Variants in NPAT observed in about 807,000 individuals in gnomAD.
The protein encoded by NPAT is nuclear protein, coactivator of histone transcription, also known as protein NPAT.
NPAT carries 52 observed loss-of-function variants against 130.7 expected under a neutral mutation model. The observed-to-expected ratio is 0.40, with a 90% confidence interval of 0.32 to 0.50. The LOEUF (loss-of-function observed/expected upper bound fraction) is 0.50. Ranked by LOEUF, NPAT falls within the 20% of genes least tolerant of loss-of-function variation. NPAT has a pLI of 0.68. For synonymous variants in NPAT, 580 were observed against 584.8 expected, an observed-to-expected ratio of 0.99 and a Z score of 0.12; for missense variants, 1,687 against 1,662.6, an observed-to-expected ratio of 1.01 and a Z score of -0.26.
intron 10 of NPAT, among the ~76,000 whole-genome samples, chr11:108,179,402 G>C (rs1172900664): frequency 6.6e-6 from 1 of 151,944 alleles, no homozygotes; most frequent in Admixed American, 6.6e-5. Flanking sequence ...CAAGTAGCTG[G>C]GATTAAAGAC....
At chr11:108,170,160 C>A in intron 13 of NPAT, 117 bp from the exon 14 acceptor site, 2 of 678,468 alleles carry the variant, frequency 2.9e-6, no homozygotes, top group Non-Finnish European at 2.6e-6. Context: ...AACAATCCCT[C>A]TTCCTTACGA....
At chr11:108,171,980 AAAAG>A in intron 13 of NPAT, 1 of 559,618 alleles carries the variant, frequency 1.8e-6, no homozygotes, top group Non-Finnish European at 3.2e-6. Flanking sequence ...GTGAAAAGAA[AAAAG>A]AAAAACCACT....
chr11:108,217,966 T>C (rs1000421585), intron 1 of NPAT, among the ~76,000 whole-genome samples: 2 of 152,258 alleles, frequency 1.3e-5, no homozygotes, highest in South Asian at 4.1e-4. Context: ...GCACCCAGCC[T>C]GGATGACAAG....
At chr11:108,180,731 AAG>A (rs2078051056) in intron 10 of NPAT, among the ~76,000 whole-genome samples, 1 of 152,196 alleles carries the variant, frequency 6.6e-6, no homozygotes, top group South Asian at 2.1e-4. Context: ...TAGGATCTCA[AAG>A]ACGTATTTGT....
intron 2 of NPAT, among the ~76,000 whole-genome samples, chr11:108,196,806 C>A (rs1318511720): frequency 1.3e-5 from 2 of 152,152 alleles, no homozygotes; most frequent in African/African-American, 2.4e-5. Context: ...GTTTCCTAAG[C>A]AGACATTCAT....
intron 15 of NPAT, 61 bp from the exon 16 acceptor site, chr11:108,162,241 C>T (rs2077859385): frequency 1.4e-6 from 2 of 1,442,392 alleles, no homozygotes; most frequent in Non-Finnish European, 1.9e-6. Flanking sequence ...GAGGATAGAA[C>T]AGATGACAAT....
Position 108,189,215 on chromosome 11 carries a change from A to G in NPAT, c.447T>C (p.Thr149=). ...TAACCTGTGTACCTGTGGAAGGAGG[A>G]GTGGTAAACTGTCCTGAAAGGTAAG... ...TLPYLSGQFT[T]PPSTGTQVTR... The change falls in exon 6 of 18, where the codon ACT becomes ACC. Residue 149 remains threonine (T), a synonymous_variant. Transcript: ENST00000278612. The G allele has an allele frequency of 6.2e-7, 1 of 1,614,156 alleles. No individual in the cohort carries two copies. The highest frequency in any genetic ancestry group is 1.7e-5 in the Admixed American group (1 of 60,016).
chr11:108,202,907 T>C (rs1565325020), intron 1 of NPAT, among the ~76,000 whole-genome samples: 1 of 152,102 alleles, frequency 6.6e-6, no homozygotes, highest in Non-Finnish European at 1.5e-5. Flanking sequence ...ATTATTCGTT[T>C]TGCACTTCCT....
intron 1 of NPAT, among the ~76,000 whole-genome samples, chr11:108,212,629 A>AAACAAC (rs544637765): frequency 6.6e-6 from 1 of 151,714 alleles, no homozygotes; most frequent in African/African-American, 2.4e-5. Context: ...AAGCCATAAA[A>AAACAAC]AACAACAACA....
At chr11:108,206,591 AGAGGGT>A (rs1258236277) in intron 1 of NPAT, among the ~76,000 whole-genome samples, 2 of 152,148 alleles carry the variant, frequency 1.3e-5, no homozygotes, top group African/African-American at 4.8e-5. Context: ...AGAGCCCCAA[AGAGGGT>A]GTCACAACCC....
chr11:108,177,724 T>C lies in NPAT; in HGVS notation c.907-634A>G, dbSNP rs558016051. Among the ~76,000 whole-genome samples, 8 of 152,158 alleles carry C rather than the reference T, an allele frequency of 5.3e-5. No homozygotes were observed. The East Asian group carries it at 1.2e-3, about 22-fold the overall frequency. On this transcript the variant is annotated intron_variant, in intron 10 of 17. Coordinates refer to ENST00000278612, the MANE Select transcript of NPAT (RefSeq NM_002519.3). Reference sequence around the variant, plus strand: ...AAATCATACTATAAAGTTCCCTTTTTTTTTGTTTTGAGACAGGGTGTCACT... The same window carrying C: ...AAATCATACTATAAAGTTCCCTTTTCTTTTGTTTTGAGACAGGGTGTCACT...
Position 108,160,944 on chromosome 11 carries a change from T to C in NPAT, c.4142A>G (p.Asn1381Ser), listed in dbSNP as rs1354464688. Residue 1381 changes from asparagine to serine, a missense_variant, in exon 17 of 18, where the codon AAC becomes AGC. Coordinates refer to ENST00000278612, the MANE Select transcript of NPAT (RefSeq NM_002519.3). ...KIEELDERER[N>S]SRPSSKNLTN... ...AAGATTTTTACTAGAAGGACGAGAGTTTCGCTCACGTTCATCTAATTCCTC... is the reference window on the plus strand; with the variant it reads ...AAGATTTTTACTAGAAGGACGAGAGCTTCGCTCACGTTCATCTAATTCCTC... 5.0e-6 allele frequency: 8 copies of C among 1,614,088 alleles called. No homozygotes were observed. The highest frequency in any genetic ancestry group is 6.8e-6 in the Non-Finnish European group (8 of 1,179,980).
intron 1 of NPAT, among the ~76,000 whole-genome samples, chr11:108,213,994 C>T (rs911680808): frequency 1.3e-5 from 2 of 152,012 alleles, no homozygotes; most frequent in African/African-American, 2.4e-5. Context: ...CTGAAGTGAT[C>T]CTCCCACTTC....
chr11:108,160,767 G>T, intron 17 of NPAT, 113 bp downstream of exon 17: 1 of 910,858 alleles, frequency 1.1e-6, no homozygotes, highest in Non-Finnish European at 1.7e-6. Flanking sequence ...AAAACTAAAA[G>T]CTGTCTTAGC....
chr11:108,179,246 G>C (rs1032073791), intron 10 of NPAT, among the ~76,000 whole-genome samples: 1 of 152,082 alleles, frequency 6.6e-6, no homozygotes, highest in Non-Finnish European at 1.5e-5. Flanking sequence ...CATTCATTTT[G>C]AGCTAATTTT....
At chr11:108,212,945 C>CAAAA (rs34466178) in intron 1 of NPAT, among the ~76,000 whole-genome samples, 5 of 36,418 alleles carry the variant, frequency 1.4e-4, no homozygotes, top group African/African-American at 2.4e-4. Context: ...GACTCTGTCT[C>CAAAA]AAAAAAAAAA....
Position 108,173,873 on chromosome 11 carries a change from G to A in NPAT, c.1133-22C>T, listed in dbSNP as rs753433876. On this transcript the variant is annotated intron_variant, in intron 12 of 17. Transcript: ENST00000278612. ...CCATCTGCAAAGTATCAGGCAGGTA[G>A]ACAGATATGGTAAATATGTTCAGCT... The A allele has an allele frequency of 3.1e-6, 5 of 1,599,294 alleles. No homozygotes were observed. The South Asian group carries it at 4.4e-5, about 14-fold the overall frequency.
rs777834447 is a variant in NPAT, at chr11:108,161,872, G to A, written c.3214C>T (p.Pro1072Ser). 8.7e-6 allele frequency: 14 copies of A among 1,614,098 alleles called. No individual in the cohort carries two copies. Among genetic ancestry groups the A allele is most frequent in the African/African-American group, 1.3e-5 (1 of 75,046 alleles). ...TTTGGCCCCTGCGTATTTGCCACAG[G>A]AGCAGTAGTGCTGTCGAAACAGAGT... The part of the protein sequence containing the change: ...RVLCFDSTTA[P>S]VANTQGPNHK... The change falls in exon 17 of 18, where the codon CCT (proline) becomes TCT (serine). Residue 1072 changes from proline (P) to serine (S), a missense_variant. Transcript: ENST00000278612.
chr11:108,208,861 C>G (rs1176065281), intron 1 of NPAT, among the ~76,000 whole-genome samples: 2 of 152,174 alleles, frequency 1.3e-5, no homozygotes, highest in Non-Finnish European at 2.9e-5. Context: ...ACATTTTTCT[C>G]AAGTGTACAT....
Sources: gnomAD v4.1 joint callset for allele counts (sites outside exome capture counted in the v4.1 genomes callset) on GRCh38, gnomAD v4.1.1 for gene constraint, MANE v1.5 for transcripts, NCBI Gene and HGNC (gene_info 2026-07-23, HGNC 2026-07-21) for gene names.